Variants in CDYL2 observed in about 807,000 individuals in gnomAD.
CDYL2 encodes the protein chromodomain Y like 2.
In CDYL2, 23 loss-of-function variants were observed where a neutral mutation model predicts 49.4. The ratio of observed to expected loss-of-function variants is 0.47; its 90% CI spans 0.34 to 0.66. The LOEUF is 0.66. CDYL2 is among the 30% of genes least tolerant of loss of function. CDYL2 has a pLI of 0.01. For missense variants in CDYL2, 678 were observed against 656.4 expected (o/e 1.03, Z -0.36); for synonymous variants, 360 against 268.8 (o/e 1.34, Z -3.32).
intron 1 of CDYL2, among the ~76,000 whole-genome samples, chr16:80,707,466 A>G (rs1307039538): frequency 6.6e-6 from 1 of 152,202 alleles, no homozygotes; most frequent in Admixed American, 6.5e-5. Context: ...GTCTCAAAAA[A>G]AAGAAAAGAA....
intron 5 of CDYL2, among the ~76,000 whole-genome samples, chr16:80,608,640 A>G (rs1906452337): frequency 6.6e-6 from 1 of 152,142 alleles, no homozygotes; most frequent in African/African-American, 2.4e-5. Context: ...CTTCTAGATA[A>G]TAAAGCTCAA....
At chr16:80,664,886 A>C (rs1261446418) in intron 2 of CDYL2, among the ~76,000 whole-genome samples, 5 of 152,148 alleles carry the variant, frequency 3.3e-5, no homozygotes, top group Non-Finnish European at 7.4e-5. Flanking sequence ...TGCCAGTGCT[A>C]GCAAGAGGGT....
At chr16:80,755,312 A>C (rs1312778070) in intron 1 of CDYL2, among the ~76,000 whole-genome samples, 1 of 152,196 alleles carries the variant, frequency 6.6e-6, no homozygotes, top group African/African-American at 2.4e-5. Flanking sequence ...GAATCCATGT[A>C]AGGTGAATTG....
intron 1 of CDYL2, among the ~76,000 whole-genome samples, chr16:80,714,458 T>C (rs1258038318): frequency 6.6e-6 from 1 of 152,204 alleles, no homozygotes; most frequent in African/African-American, 2.4e-5. Context: ...TATGTACAAT[T>C]ACTATATGTC....
chr16:80,604,337 T>G lies in CDYL2; in HGVS notation c.*51A>C. ...CCGGGGCAGACACTGTGCTCTGGTTTCCGAAACACAGGGCAGAGCTGGAAG... is the reference window on the plus strand; with the variant it reads ...CCGGGGCAGACACTGTGCTCTGGTTGCCGAAACACAGGGCAGAGCTGGAAG... On this transcript the variant is annotated 3_prime_UTR_variant, in exon 7 of 7. Coordinates refer to ENST00000570137, the MANE Select transcript of CDYL2 (RefSeq NM_152342.4). The G allele has an allele frequency of 1.2e-6, 2 of 1,606,588 alleles. No homozygotes were observed. The highest frequency in any genetic ancestry group is 1.7e-6 in the Non-Finnish European group (2 of 1,175,154).
chr16:80,668,362 A>G (rs1419588227), intron 2 of CDYL2, among the ~76,000 whole-genome samples: 1 of 152,236 alleles, frequency 6.6e-6, no homozygotes, highest in Non-Finnish European at 1.5e-5. Flanking sequence ...AGACAGATAT[A>G]TACATATCTA....
intron 1 of CDYL2, among the ~76,000 whole-genome samples, chr16:80,796,476 T>A (rs916103569): frequency 6.6e-6 from 1 of 152,200 alleles, no homozygotes; most frequent in African/African-American, 2.4e-5. Context: ...TAAATGCGGC[T>A]GCAACAAATT....
Position 80,638,980 on chromosome 16 carries a change from T to C in CDYL2, c.617-5744A>G, listed in dbSNP as rs116238217. 3.6e-3 allele frequency among the ~76,000 whole-genome samples: 555 copies of C among 152,134 alleles called. 2 individuals are homozygous for C. The highest frequency in any genetic ancestry group is 0.013 in the African/African-American group (540 of 41,448). The stretch of plus-strand genomic sequence containing the variant: ...TCCGTGAAATAAAAAATTTTTAAAT[T>C]GGACATTACAAAGAACATAATTTAA... On this transcript the variant is annotated intron_variant, in intron 2 of 6. Coordinates refer to ENST00000570137, the MANE Select transcript of CDYL2 (RefSeq NM_152342.4).
intron 1 of CDYL2, among the ~76,000 whole-genome samples, chr16:80,771,610 C>G (rs991743142): frequency 6.6e-6 from 1 of 152,046 alleles, no homozygotes; most frequent in African/African-American, 2.4e-5. Context: ...GAGGCTGAGG[C>G]AGGAGAATCA....
In CDYL2 at chr16:80,633,153, T is replaced by C. The variant is rs963789797; in HGVS notation, c.700A>G (p.Lys234Glu). 1.2e-6 allele frequency: 2 copies of C among 1,614,124 alleles called. No homozygotes were observed. The highest frequency in any genetic ancestry group is 1.7e-6 in the Non-Finnish European group (2 of 1,180,044). The change falls in exon 3 of 7, where the codon AAA becomes GAA. Residue 234 changes from lysine (K) to glutamate (E), a missense_variant. By Grantham distance (56) the Lys-to-Glu change is moderately conservative. This residue lies in a region of CDYL2 where 478 missense variants were observed against 427.0 expected (regional missense o/e 1.12). Transcript: ENST00000570137. ...TGGCGGACACTGTATCTGAGCCTTT[T>C]GTCAAAGACGTAGTCCTTCTCCGCT... ...LEAEKDYVFD[K>E]RLRYSVRQNE...
chr16:80,626,958 C>A (rs563752280), intron 3 of CDYL2, among the ~76,000 whole-genome samples: 1 of 152,106 alleles, frequency 6.6e-6, no homozygotes, highest in Non-Finnish European at 1.5e-5. Context: ...CAAGGTCACA[C>A]CAACAGTAAG....
intron 1 of CDYL2, among the ~76,000 whole-genome samples, chr16:80,786,870 T>C (rs1486463953): frequency 6.8e-6 from 1 of 148,130 alleles, no homozygotes; most frequent in Non-Finnish European, 1.5e-5. Flanking sequence ...AGTTGAACAA[T>C]AAGAACACAT....
intron 1 of CDYL2, among the ~76,000 whole-genome samples, chr16:80,786,974 C>T (rs1399753713): frequency 2.0e-5 from 3 of 151,840 alleles, no homozygotes; most frequent in Non-Finnish European, 4.4e-5. Context: ...ATGTAGGTGA[C>T]GGGTTGATGG....
At chr16:80,786,888 G>A (rs541230216) in intron 1 of CDYL2, among the ~76,000 whole-genome samples, 10 of 151,992 alleles carry the variant, frequency 6.6e-5, no homozygotes, top group Non-Finnish European at 1.2e-4. Context: ...CATGAAAACA[G>A]GGAAGGGAAC....
chr16:80,801,274 A>G (rs1049363335), intron 1 of CDYL2, among the ~76,000 whole-genome samples: 1 of 152,190 alleles, frequency 6.6e-6, no homozygotes, highest in East Asian at 1.9e-4. Flanking sequence ...ACAAACCAGA[A>G]CTATCTATCA....
intron 1 of CDYL2, among the ~76,000 whole-genome samples, chr16:80,753,837 A>AC (rs1906219112): frequency 1.3e-5 from 2 of 152,244 alleles, no homozygotes; most frequent in African/African-American, 4.8e-5. Context: ...AATTAAAAGA[A>AC]TAAAAAAAGA....
rs1906245542 is a variant in CDYL2 at position 80,604,525 on chromosome 16, G to C, written c.1384C>G (p.Leu462Val). ...SAVVLEESKCLVRSFLKSVLE... is the reference protein window; with the variant it reads ...SAVVLEESKCVVRSFLKSVLE... ...ACTGATTTCAGGAAGCTCCGCACGA[G>C]GCATTTGGACTCCTCTAACACCTAG... The change falls in exon 7 of 7, where the codon CTC becomes GTC. Residue 462 changes from leucine to valine, a missense_variant. By Grantham distance (32) the Leu-to-Val change is conservative (BLOSUM62 1). Coordinates refer to ENST00000570137, the MANE Select transcript of CDYL2 (RefSeq NM_152342.4). 1.9e-6 allele frequency: 3 copies of C among 1,614,118 alleles called. No individual in the cohort carries two copies. The highest frequency in any genetic ancestry group is 2.5e-6 in the Non-Finnish European group (3 of 1,180,048).
chr16:80,748,242 G>A (rs984146144), intron 1 of CDYL2, among the ~76,000 whole-genome samples: 1 of 149,566 alleles, frequency 6.7e-6, no homozygotes, highest in Non-Finnish European at 1.5e-5. Context: ...ACTCAGGTGG[G>A]TGGACCGGGC....
chr16:80,776,035 T>C (rs1907071524), intron 1 of CDYL2, among the ~76,000 whole-genome samples: 1 of 151,952 alleles, frequency 6.6e-6, no homozygotes, highest in African/African-American at 2.4e-5. Flanking sequence ...AAACTTGAAG[T>C]TATATGCAAC....
Sources: gnomAD v4.1 joint callset for allele counts (sites outside exome capture counted in the v4.1 genomes callset) on GRCh38, gnomAD v4.1.1 for gene constraint, gnomAD v4.1.1 regional missense constraint, MANE v1.5 for transcripts, NCBI Gene and HGNC (gene_info 2026-07-23, HGNC 2026-07-21) for gene names.